The following OTOG variants were observed in gnomAD, a reference collection of about 807,000 sequenced individuals.
OTOG encodes otogelin.
Under a neutral mutation model 313.8 loss-of-function variants are expected in OTOG, and 296 were observed. The observed-to-expected ratio is 0.94, with a 90% CI of 0.86 to 1.04. The LOEUF (loss-of-function observed/expected upper bound fraction) is 1.04, where lower values mean the gene tolerates loss of function less well. Among genes scored for constraint, OTOG ranks in the 50% least tolerant of loss-of-function variants. The probability of loss-of-function intolerance (pLI) is 0.00; values close to 1 mark genes in which losing one functional copy is unlikely to be tolerated. For synonymous variants in OTOG, 1,533 were observed against 1,554.9 expected (o/e 0.99, Z 0.33); for missense variants, 3,948 against 3,840.1 (o/e 1.03, Z -0.74).
intron 42 of OTOG, among the ~76,000 whole-genome samples, chr11:17,633,073 C>A (rs910290886): frequency 6.6e-6 from 1 of 152,082 alleles, no homozygotes; most frequent in African/African-American, 2.4e-5. Flanking sequence ...TCCTAAATAC[C>A]CTTTGAAATC....
intron 39 of OTOG, among the ~76,000 whole-genome samples, chr11:17,624,327 G>A (rs181739328): frequency 1.3e-5 from 2 of 152,274 alleles, no homozygotes; most frequent in Non-Finnish European, 2.9e-5. Context: ...GTTAATATTT[G>A]TATATGGCGT....
In OTOG at chr11:17,635,710, T is replaced by C. The variant is rs1304362405; in HGVS notation, c.7794T>C (p.Cys2598=). The change falls in exon 47 of 56, where the codon TGT becomes TGC. Residue 2598 remains cysteine, a splice_region_variant and synonymous_variant. Coordinates refer to ENST00000399397, the MANE Select transcript of OTOG (RefSeq NM_001292063.2). ...AACTCTGCTGCCCTCTGTACCAGTG[T>C]GGTGAGTCCTGGCTGGGCACATGGC... ...TTELCCPLYQ[C]VCENFRCPQV... The C allele has an allele frequency of 6.5e-7, 1 of 1,549,800 alleles. No homozygotes were observed. Among genetic ancestry groups the C allele is most frequent in the Admixed American group, 2.0e-5 (1 of 51,004 alleles).
Position 17,596,977 on chromosome 11 carries a change from G to T in OTOG, c.3652G>T (p.Ala1218Ser). The part of the protein sequence containing the change: ...YAHQCCQHGV[A>S]VDWRTPRLCP... Reference sequence around the variant, plus strand: ...CCACCAGTGTTGCCAGCATGGGGTGGCTGTTGACTGGCGAACCCCCCGCCT... The same window carrying T: ...CCACCAGTGTTGCCAGCATGGGGTGTCTGTTGACTGGCGAACCCCCCGCCT... The change falls in exon 30 of 56, where the codon GCT becomes TCT. Residue 1218 changes from alanine to serine, a missense_variant. Transcript: ENST00000399397. The T allele has an allele frequency of 6.4e-7, 1 of 1,550,436 alleles. No homozygotes were observed. The highest frequency in any genetic ancestry group is 8.7e-7 in the Non-Finnish European group (1 of 1,146,982).
In OTOG at chr11:17,586,526, T is replaced by A; in HGVS notation, c.2812T>A (p.Trp938Arg). The change falls in exon 24 of 56, where the codon TGG becomes AGG. Residue 938 changes from tryptophan to arginine, a missense_variant. By Grantham distance (101) the Trp-to-Arg change is moderately radical. Coordinates refer to ENST00000399397, the MANE Select transcript of OTOG (RefSeq NM_001292063.2). ...CCTGCCAGAGGAGTGCCCCTGCACT[T>A]GGAAGGGGAAGGAGTATTTCCCTGG... Reference protein sequence around the residue: ...CFLPEECPCTWKGKEYFPGDQ... With the variant: ...CFLPEECPCTRKGKEYFPGDQ... The A allele has an allele frequency of 6.9e-7, 1 of 1,454,740 alleles. No individual in the cohort carries two copies. The highest frequency in any genetic ancestry group is 1.5e-5 in the South Asian group (1 of 68,220). 90.1% of individuals were successfully genotyped at this position (1,454,740 alleles called of 1,614,324 possible).
chr11:17,566,161 G>A (rs573081450), intron 15 of OTOG, among the ~76,000 whole-genome samples: 2 of 152,228 alleles, frequency 1.3e-5, no homozygotes, highest in Non-Finnish European at 2.9e-5. Flanking sequence ...ACCAAAATCT[G>A]CAGATGCTCA....
intron 51 of OTOG, 83 bp from the exon 52 acceptor site, chr11:17,641,764 G>A (rs573678664): frequency 9.9e-7 from 1 of 1,007,832 alleles, no homozygotes; most frequent in Admixed American, 2.6e-5. Context: ...CAGGCTCTGG[G>A]ATCCCTCACA....
chr11:17,618,496 C>T (rs1047167604), intron 39 of OTOG, among the ~76,000 whole-genome samples: 3 of 151,906 alleles, frequency 2.0e-5, no homozygotes, highest in Admixed American at 6.6e-5. Flanking sequence ...ATTTTATGTC[C>T]GAGAATATGC....
intron 25 of OTOG, 118 bp downstream of exon 25, chr11:17,591,706 G>C: frequency 1.5e-6 from 2 of 1,314,680 alleles, no homozygotes; most frequent in Non-Finnish European, 2.1e-6. Context: ...CCCTGAGGTG[G>C]GGCTATCTAG....
At chr11:17,548,126 C>A (rs1042995805) in intron 2 of OTOG, 26 bp from the exon 3 acceptor site, 4 of 1,542,574 alleles carry the variant, frequency 2.6e-6, no homozygotes, top group Non-Finnish European at 3.5e-6. Context: ...AGCCCCCCAT[C>A]CATGCCAGAC....
Position 17,634,159 on chromosome 11 carries a change from C to T in OTOG, c.7358C>T (p.Pro2453Leu), listed in dbSNP as rs1854201832. The T allele has an allele frequency of 6.5e-7, 1 of 1,550,104 alleles. No individual in the cohort carries two copies. Among genetic ancestry groups the T allele is most frequent in the Non-Finnish European group, 8.7e-7 (1 of 1,146,960 alleles). The change falls in exon 44 of 56, where the codon CCA becomes CTA. Residue 2453 changes from proline to leucine, a missense_variant. Physicochemically the swap from Pro to Leu is moderately conservative, Grantham distance 98. Transcript: ENST00000399397. ...TGCTGCCAGCACCAGTGCCAAGCCC[C>T]AGACACCATTGTCCCGGTGGATCTG... ...SGCCQHQCQAPDTIVPVDLGC... is the reference protein window; with the variant it reads ...SGCCQHQCQALDTIVPVDLGC...
At position 17,636,502 on chromosome 11, in the gene OTOG, G is replaced by A. The variant is rs144755222; in HGVS notation, c.7795+791G>A. Among the ~76,000 whole-genome samples the A allele has an allele frequency of 9.9e-5, 15 of 152,164 alleles. No homozygotes were observed. In the East Asian group the frequency reaches 2.1e-3, roughly 22 times the overall value. The stretch of plus-strand genomic sequence containing the variant: ...AGGGGCTTCCACCAGGACACCCAAG[G>A]GCTTCTCTGATTGGTTCAATGTGAA... On this transcript the variant is annotated intron_variant, in intron 47 of 55. Transcript: ENST00000399397.
In OTOG at chr11:17,642,221, C is replaced by A. The variant is rs1388390033; in HGVS notation, c.8390C>A (p.Pro2797Gln). The A allele has an allele frequency of 6.5e-7, 1 of 1,550,086 alleles. No individual in the cohort carries two copies. Among genetic ancestry groups the A allele is most frequent in the South Asian group, 1.2e-5 (1 of 83,982 alleles). ...VLVRSPISCPPLNETECAKVG... is the reference protein window; with the variant it reads ...VLVRSPISCPQLNETECAKVG... ...GTCCGCTCTCCCATAAGCTGCCCAC[C>A]GCTCAATGAGACTGAGTGTGCCAAG... The change falls in exon 53 of 56, where the codon CCG becomes CAG. Residue 2797 changes from proline to glutamine, a missense_variant. By Grantham distance (76) the Pro-to-Gln change is moderately conservative (BLOSUM62 -1). Coordinates refer to ENST00000399397, the MANE Select transcript of OTOG (RefSeq NM_001292063.2).
intron 54 of OTOG, 92 bp from the exon 55 acceptor site, chr11:17,645,472 A>T: frequency 1.7e-6 from 2 of 1,198,106 alleles, no homozygotes; most frequent in Non-Finnish European, 2.4e-6. Context: ...GAGACCCTCC[A>T]GCATGACACT....
chr11:17,597,978 T>A (rs1853154837), intron 30 of OTOG, among the ~76,000 whole-genome samples: 1 of 152,250 alleles, frequency 6.6e-6, no homozygotes, highest in Non-Finnish European at 1.5e-5. Context: ...GTACAGCACT[T>A]GGCACAGTGC....
rs544905565 is a variant in OTOG at position 17,642,208 on chromosome 11, A to G, written c.8377A>G (p.Ile2793Val). The change falls in exon 53 of 56, where the codon ATA (isoleucine) becomes GTA (valine). Residue 2793 changes from isoleucine (I) to valine (V), a missense_variant. By Grantham distance (29) the Ile-to-Val change is conservative (BLOSUM62 3). Transcript: ENST00000399397. ...PLGAVLVRSP[I>V]SCPPLNETEC... ...GGGTGCCGTGCTGGTCCGCTCTCCC[A>G]TAAGCTGCCCACCGCTCAATGAGAC... 1.9e-6 allele frequency: 3 copies of G among 1,550,234 alleles called. No homozygotes were observed. Among genetic ancestry groups the G allele is most frequent in the African/African-American group, 1.4e-5 (1 of 73,154 alleles).
intron 12 of OTOG, among the ~76,000 whole-genome samples, chr11:17,559,896 G>T (rs919363488): frequency 6.8e-6 from 1 of 148,002 alleles, no homozygotes; most frequent in African/African-American, 2.6e-5. Flanking sequence ...GAGAGAGGGA[G>T]GGAGGGAGGA....
intron 33 of OTOG, among the ~76,000 whole-genome samples, 177 bp downstream of exon 33, chr11:17,606,312 A>C (rs1379841067): frequency 6.6e-6 from 1 of 152,212 alleles, no homozygotes; most frequent in Non-Finnish European, 1.5e-5. Context: ...CTCCATGTTG[A>C]CAGCTTAGGG....
chr11:17,605,161 G>A (rs1340996087), intron 32 of OTOG, among the ~76,000 whole-genome samples: 1 of 152,236 alleles, frequency 6.6e-6, no homozygotes, highest in Non-Finnish European at 1.5e-5. Flanking sequence ...TTGTGGATTT[G>A]GGACTTGAGG....
chr11:17,608,187 C>T (rs745611816), intron 33 of OTOG, 109 bp from the exon 34 acceptor site: 19 of 708,886 alleles, frequency 2.7e-5, no homozygotes, highest in Non-Finnish European at 3.6e-5. Context: ...TTTGCTTTCC[C>T]TGCATGGGTC....
Sources: gnomAD v4.1 joint callset for allele counts (sites outside exome capture counted in the v4.1 genomes callset) on GRCh38, gnomAD v4.1.1 for gene constraint, MANE v1.5 for transcripts, NCBI Gene and HGNC (gene_info 2026-07-23, HGNC 2026-07-21) for gene names.